Variants in SLC9A9 observed in about 807,000 individuals in gnomAD.
SLC9A9 encodes solute carrier family 9 member A9.
SLC9A9 carries 62 observed loss-of-function variants against 77.8 expected under a neutral mutation model. That is an observed-to-expected ratio of 0.80 (90% CI 0.65 to 0.98). The LOEUF (loss-of-function observed/expected upper bound fraction) is 0.98. Ranked by LOEUF, SLC9A9 falls within the 50% of genes least tolerant of loss-of-function variation. The pLI, the probability that SLC9A9 is intolerant of heterozygous loss-of-function variation, is 0.00. For missense variants in SLC9A9, 775 were observed against 774.9 expected (o/e 1.00, Z 0.00); for synonymous variants, 320 against 283.5 (o/e 1.13, Z -1.29).
intron 14 of SLC9A9, among the ~76,000 whole-genome samples, chr3:143,294,690 C>T (rs1367539301): frequency 2.0e-5 from 3 of 152,232 alleles, no homozygotes; most frequent in African/African-American, 7.2e-5. Context: ...TAATAATTGC[C>T]CCTTTTAAAT....
intron 4 of SLC9A9, among the ~76,000 whole-genome samples, chr3:143,716,541 G>T (rs1224244217): frequency 6.6e-6 from 1 of 152,108 alleles, no homozygotes; most frequent in Non-Finnish European, 1.5e-5. Flanking sequence ...AGGGAGATTA[G>T]GCAGGACTCA....
At chr3:143,396,850 G>A (rs2033741442) in intron 12 of SLC9A9, among the ~76,000 whole-genome samples, 1 of 152,200 alleles carries the variant, frequency 6.6e-6, no homozygotes, top group African/African-American at 2.4e-5. Flanking sequence ...TTGGACTTAA[G>A]AGTGGGGATG....
intron 12 of SLC9A9, among the ~76,000 whole-genome samples, chr3:143,421,337 G>T (rs1164534277): frequency 3.3e-5 from 5 of 152,108 alleles, no homozygotes; most frequent in Admixed American, 3.3e-4. Context: ...GAACAAAGTT[G>T]AAGACATCAC....
chr3:143,615,924 AG>A (rs2038096628), intron 6 of SLC9A9, among the ~76,000 whole-genome samples: 1 of 148,454 alleles, frequency 6.7e-6, no homozygotes, highest in Non-Finnish European at 1.5e-5. Context: ...TCTGTTGCCC[AG>A]CCTGGAGTGC....
chr3:143,567,568 A>G (rs571829166), intron 8 of SLC9A9, among the ~76,000 whole-genome samples: 11 of 152,324 alleles, frequency 7.2e-5, no homozygotes, highest in African/African-American at 2.6e-4. Flanking sequence ...CTTCATTTGC[A>G]TGTCTAAAAG....
intron 4 of SLC9A9, among the ~76,000 whole-genome samples, chr3:143,702,603 T>C (rs765818717): frequency 6.6e-6 from 1 of 151,510 alleles, no homozygotes; most frequent in African/African-American, 2.4e-5. Context: ...AATTAAAACA[T>C]ACCACCAGAG....
intron 9 of SLC9A9, among the ~76,000 whole-genome samples, chr3:143,530,977 T>C (rs567097905): frequency 2.0e-5 from 3 of 152,228 alleles, no homozygotes; most frequent in Non-Finnish European, 4.4e-5. Context: ...GAGTCCTAAT[T>C]CCAGCACTCA....
intron 6 of SLC9A9, among the ~76,000 whole-genome samples, chr3:143,597,480 G>T (rs1161465237): frequency 1.3e-5 from 2 of 152,218 alleles, no homozygotes; most frequent in African/African-American, 2.4e-5. Context: ...GCAACCTTGC[G>T]TGGGGGTGGC....
chr3:143,672,049 A>T (rs891610612), intron 5 of SLC9A9, among the ~76,000 whole-genome samples: 1 of 152,226 alleles, frequency 6.6e-6, no homozygotes, highest in Non-Finnish European at 1.5e-5. Context: ...ATACTATATG[A>T]GAGCATTTTT....
chr3:143,540,144 TAG>T (rs1362833385), intron 9 of SLC9A9, among the ~76,000 whole-genome samples: 2 of 151,508 alleles, frequency 1.3e-5, no homozygotes, highest in African/African-American at 4.9e-5. Context: ...GCCTATTGGG[TAG>T]AGATAGTCTT....
chr3:143,672,937 C>G (rs549327833), intron 5 of SLC9A9, among the ~76,000 whole-genome samples: 1 of 152,264 alleles, frequency 6.6e-6, no homozygotes, highest in African/African-American at 2.4e-5. Context: ...CACACATCAC[C>G]TGAGCAGCCG....
intron 4 of SLC9A9, among the ~76,000 whole-genome samples, chr3:143,754,113 G>A (rs575232321): frequency 1.3e-4 from 20 of 152,310 alleles, no homozygotes; most frequent in Non-Finnish European, 7.4e-5. Flanking sequence ...CCAGACAAAG[G>A]TATGGAGAAG....
chr3:143,306,267 C>G (rs755768159), intron 14 of SLC9A9, among the ~76,000 whole-genome samples: 94 of 152,180 alleles, frequency 6.2e-4, no homozygotes, highest in Non-Finnish European at 1.2e-3. Flanking sequence ...CCTTTCTGCC[C>G]TTATTCTCAA....
chr3:143,602,542 A>G (rs1194282339), intron 6 of SLC9A9, among the ~76,000 whole-genome samples: 1 of 152,220 alleles, frequency 6.6e-6, no homozygotes, highest in Non-Finnish European at 1.5e-5. Flanking sequence ...TAACTGTTTA[A>G]TAATAGTTAT....
intron 6 of SLC9A9, among the ~76,000 whole-genome samples, chr3:143,606,428 C>CTATA (rs1473173290): frequency 4.0e-4 from 28 of 69,898 alleles, no homozygotes; most frequent in Non-Finnish European, 5.4e-4. Context: ...CTCTCTCTCT[C>CTATA]TCTCTCTCTA....
intron 14 of SLC9A9, among the ~76,000 whole-genome samples, chr3:143,338,212 C>A (rs2031985320): frequency 6.6e-6 from 1 of 152,202 alleles, no homozygotes; most frequent in Non-Finnish European, 1.5e-5. Flanking sequence ...TTATGGCCAT[C>A]AACCCAGTTG....
At chr3:143,731,477 C>T (rs1489505868) in intron 4 of SLC9A9, among the ~76,000 whole-genome samples, 1 of 152,198 alleles carries the variant, frequency 6.6e-6, no homozygotes, top group East Asian at 1.9e-4. Flanking sequence ...CTCAATTCTC[C>T]AGCTCCACAG....
intron 4 of SLC9A9, among the ~76,000 whole-genome samples, chr3:143,707,701 T>A (rs772793090): frequency 1.3e-5 from 2 of 152,216 alleles, no homozygotes; most frequent in Non-Finnish European, 2.9e-5. Flanking sequence ...GAAAACATCG[T>A]GTCTTTCACA....
chr3:143,632,050 C>G (rs945941693), intron 6 of SLC9A9, among the ~76,000 whole-genome samples: 1 of 152,104 alleles, frequency 6.6e-6, no homozygotes, highest in African/African-American at 2.4e-5. Flanking sequence ...CTCATGTGAT[C>G]ATATTGGATA....
Sources: gnomAD v4.1 joint callset for allele counts (sites outside exome capture counted in the v4.1 genomes callset) on GRCh38, gnomAD v4.1.1 for gene constraint, MANE v1.5 for transcripts, NCBI Gene and HGNC (gene_info 2026-07-23, HGNC 2026-07-21) for gene names.